COL28A1: variants seen among roughly 807,000 people sequenced by gnomAD.
COL28A1 encodes the protein collagen type XXVIII alpha 1 chain, also known as collagen alpha-1(XXVIII) chain.
Under a neutral mutation model 150.2 loss-of-function variants are expected in COL28A1, and 161 were observed. The ratio of observed to expected loss-of-function variants is 1.07; its 90% CI spans 0.94 to 1.22. The LOEUF (loss-of-function observed/expected upper bound fraction) is 1.22. Among genes scored for constraint, COL28A1 ranks in the 50% most tolerant of loss-of-function variants. The pLI, the probability that COL28A1 is intolerant of heterozygous loss-of-function variation, is 0.00. For missense variants in COL28A1, 1,617 were observed against 1,388.3 expected (o/e 1.16, Z -2.62); for synonymous variants, 552 against 469.7 (o/e 1.18, Z -2.26).
chr7:7,396,550 C>A (rs1462391764), intron 27 of COL28A1, among the ~76,000 whole-genome samples: 1 of 152,126 alleles, frequency 6.6e-6, no homozygotes, highest in African/African-American at 2.4e-5. Flanking sequence ...CTTAATGTCC[C>A]ATATAGATAT....
At chr7:7,460,673 C>T (rs540649179) in intron 15 of COL28A1, among the ~76,000 whole-genome samples, 17 of 152,214 alleles carry the variant, frequency 1.1e-4, no homozygotes, top group Non-Finnish European at 2.2e-4. Flanking sequence ...TAAGCCACTG[C>T]GCCCGGCCAA....
At chr7:7,386,901 T>C (rs1028232637) in intron 27 of COL28A1, among the ~76,000 whole-genome samples, 13 of 152,160 alleles carry the variant, frequency 8.5e-5, no homozygotes, top group Non-Finnish European at 1.5e-4. Context: ...AAGCCCACGA[T>C]CAAGGAATTG....
At chr7:7,446,419 C>T (rs900018291) in intron 18 of COL28A1, among the ~76,000 whole-genome samples, 2 of 151,830 alleles carry the variant, frequency 1.3e-5, no homozygotes, top group African/African-American at 4.8e-5. Context: ...GCTAGATAAA[C>T]CAATAATATT....
intron 25 of COL28A1, among the ~76,000 whole-genome samples, chr7:7,424,979 C>T (rs1027312860): frequency 2.0e-4 from 30 of 152,038 alleles, no homozygotes; most frequent in African/African-American, 6.8e-4. Context: ...TGAAGCTTTC[C>T]CTTTTTAAAT....
At chr7:7,443,696 A>C in intron 19 of COL28A1, 43 bp from the exon 20 acceptor site, 2 of 1,611,988 alleles carry the variant, frequency 1.2e-6, no homozygotes, top group Non-Finnish European at 8.5e-7. Context: ...CCTCCAGTAG[A>C]CAGACTGTAC....
chr7:7,440,871 T>A lies in COL28A1; in HGVS notation c.1651-10A>T. On this transcript the variant is annotated splice_polypyrimidine_tract_variant and intron_variant, in intron 20 of 34. Coordinates refer to ENST00000399429, the MANE Select transcript of COL28A1 (RefSeq NM_001037763.3). Reference sequence around the variant, plus strand: ...TCTTGCCTTCGTCACCCTAACAAAATAATTATGAAAATATAGATTTTCGTA... The same window carrying A: ...TCTTGCCTTCGTCACCCTAACAAAAAAATTATGAAAATATAGATTTTCGTA... 1 of 1,398,368 alleles carries A rather than the reference T, an allele frequency of 7.2e-7. No individual in the cohort carries two copies. The allele number at this position is 1,398,368 out of a possible 1,614,324, so 86.6% of individuals were successfully genotyped here. A position where few individuals can be genotyped will look rare whatever the true frequency, so the allele number is the denominator to read the frequency against.
At chr7:7,531,324 A>G in intron 3 of COL28A1, 24 bp downstream of exon 3, 2 of 982,110 alleles carry the variant, frequency 2.0e-6, no homozygotes, top group Non-Finnish European at 3.1e-6. Flanking sequence ...TGATAACTGT[A>G]TAATCAACCC....
chr7:7,459,921 C>T (rs1192791930), intron 15 of COL28A1, among the ~76,000 whole-genome samples: 2 of 152,188 alleles, frequency 1.3e-5, no homozygotes, highest in Non-Finnish European at 2.9e-5. Flanking sequence ...CTATATAAAA[C>T]CCTCAAATTA....
intron 27 of COL28A1, among the ~76,000 whole-genome samples, chr7:7,400,178 C>A (rs1209089490): frequency 3.3e-5 from 5 of 152,190 alleles, no homozygotes; most frequent in African/African-American, 1.2e-4. Context: ...CCTAGATATC[C>A]AGGTCCCCAT....
At chr7:7,462,186 C>G (rs1787685957) in intron 15 of COL28A1, among the ~76,000 whole-genome samples, 1 of 152,158 alleles carries the variant, frequency 6.6e-6, no homozygotes, top group Admixed American at 6.5e-5. Flanking sequence ...GATGAGACTA[C>G]TAAATCAAGG....
chr7:7,446,943 C>T (rs1253380316), intron 18 of COL28A1, among the ~76,000 whole-genome samples: 4 of 152,118 alleles, frequency 2.6e-5, no homozygotes, highest in African/African-American at 4.8e-5. Context: ...TTGCTCAGTA[C>T]ATGTGTGTGA....
At chr7:7,489,299 T>A in intron 13 of COL28A1, 90 bp downstream of exon 13, 1 of 785,806 alleles carries the variant, frequency 1.3e-6, no homozygotes, top group South Asian at 1.5e-5. Context: ...AGATACAAGG[T>A]GGATTAATCT....
At chr7:7,382,056 T>C (rs1781901402) in intron 27 of COL28A1, among the ~76,000 whole-genome samples, 1 of 152,218 alleles carries the variant, frequency 6.6e-6, no homozygotes, top group Admixed American at 6.5e-5. Context: ...ATGCCTGTAA[T>C]CCCAGCACTT....
In COL28A1 at chr7:7,358,690, G is replaced by A. The variant is rs1373533308; in HGVS notation, c.3321C>T (p.Gly1107=). The change falls in exon 35 of 35, where the codon GGC becomes GGT. Residue 1107 remains glycine (G), a synonymous_variant. Transcript: ENST00000399429. ...TTTCACTGTTGAATCTATTTCCTGAGCCATTACAGCCACTGAACCAAAATC... is the reference window on the plus strand; with the variant it reads ...TTTCACTGTTGAATCTATTTCCTGAACCATTACAGCCACTGAACCAAAATC... The part of the protein sequence containing the change: ...CARFWFSGCN[G]SGNRFNSEKE... 1.9e-6 allele frequency: 3 copies of A among 1,613,964 alleles called. No homozygotes were observed. The highest frequency in any genetic ancestry group is 2.5e-6 in the Non-Finnish European group (3 of 1,179,938).
chr7:7,348,928 T>TA, the COL28A1 span, among the ~76,000 whole-genome samples: 1 of 152,056 alleles, frequency 6.6e-6, no homozygotes, highest in African/African-American at 2.4e-5. Flanking sequence ...ATTATTTTTT[T>TA]AGAGATGGCA....
rs748184351 is a variant in COL28A1, at chr7:7,456,109, C to G, written c.1306G>C (p.Asp436His). Residue 436 changes from aspartate to histidine, a missense_variant, in exon 16 of 35, where the codon GAT becomes CAT. Transcript: ENST00000399429. The stretch of plus-strand genomic sequence containing the variant: ...CCTTGGGGTCCCACAGGTCCTATAT[C>G]CCCCTGCACAGAAAATAAGCCAGGA... ...QGLSIKGEKG[D>H]IGPVGPQGPM... The G allele has an allele frequency of 1.2e-6, 2 of 1,611,450 alleles. No individual in the cohort carries two copies. Among genetic ancestry groups the G allele is most frequent in the Admixed American group, 3.3e-5 (2 of 59,778 alleles).
chr7:7,429,963 G>A (rs1784870392), intron 25 of COL28A1, among the ~76,000 whole-genome samples: 1 of 152,174 alleles, frequency 6.6e-6, no homozygotes, highest in Non-Finnish European at 1.5e-5. Flanking sequence ...TAGGCAAGAT[G>A]AAGTTTTGAA....
chr7:7,522,744 G>A (rs1781794188), intron 4 of COL28A1, among the ~76,000 whole-genome samples: 1 of 135,398 alleles, frequency 7.4e-6, no homozygotes, highest in Admixed American at 7.9e-5. Context: ...GGCCACATTG[G>A]AAGAAGAAGA....
At chr7:7,408,448 A>G (rs1001529960) in intron 27 of COL28A1, among the ~76,000 whole-genome samples, 1 of 152,194 alleles carries the variant, frequency 6.6e-6, no homozygotes. Context: ...CAACAATTGT[A>G]AAGTTCTTAA....
Sources: gnomAD v4.1 joint callset for allele counts (sites outside exome capture counted in the v4.1 genomes callset) on GRCh38, gnomAD v4.1.1 for gene constraint, MANE v1.5 for transcripts, NCBI Gene and HGNC (gene_info 2026-07-23, HGNC 2026-07-21) for gene names.